Variants in PRKCI observed in about 807,000 individuals in gnomAD.
The protein encoded by PRKCI is protein kinase C iota, also known as protein kinase C iota type.
Under a neutral mutation model 84.0 loss-of-function variants are expected in PRKCI, and 43 were observed. The observed-to-expected ratio is 0.51, with a 90% confidence interval of 0.40 to 0.66. The LOEUF is 0.66. Among genes scored for constraint, PRKCI ranks in the 30% least tolerant of loss-of-function variants. PRKCI has a pLI of 0.00. For synonymous variants in PRKCI, 216 were observed against 234.4 expected, an observed-to-expected ratio of 0.92 and a Z score of 0.72; for missense variants, 459 against 745.6, an observed-to-expected ratio of 0.62 and a Z score of 4.48.
intron 13 of PRKCI, among the ~76,000 whole-genome samples, chr3:170,293,100 A>C (rs1734601762): frequency 6.6e-6 from 1 of 152,022 alleles, no homozygotes; most frequent in African/African-American, 2.4e-5. Context: ...TTATATCCTC[A>C]ACACACAATA....
At chr3:170,267,763 G>A (rs1733900419) in intron 4 of PRKCI, 152 bp from the exon 5 acceptor site, 1 of 469,914 alleles carries the variant, frequency 2.1e-6, no homozygotes, top group East Asian at 3.6e-5. Flanking sequence ...TTGGTCCCTT[G>A]ATGAATCTAT....
At position 170,303,912 on chromosome 3, in the gene PRKCI, G is replaced by C. The variant is rs748768971; in HGVS notation, c.*785G>C. ...CTCGGGAGGCTGAAACAGGAGAATC[G>C]CTTGAACCCAGGAGATGGAGTTGGC... On this transcript the variant is annotated 3_prime_UTR_variant, in exon 18 of 18. Coordinates refer to ENST00000295797, the MANE Select transcript of PRKCI (RefSeq NM_002740.6). 1 of 169,218 alleles carries C rather than the reference G, an allele frequency of 5.9e-6. No individual in the cohort carries two copies. Among genetic ancestry groups the C allele is most frequent in the African/African-American group, 2.4e-5 (1 of 41,952 alleles). 10.5% of individuals were successfully genotyped at this position (169,218 alleles called of 1,614,324 possible). A position where few individuals can be genotyped will look rare whatever the true frequency, so the allele number is the denominator to read the frequency against.
intron 3 of PRKCI, 75 bp from the exon 4 acceptor site, chr3:170,263,304 A>G (rs1221969295): frequency 1.3e-5 from 17 of 1,315,036 alleles, no homozygotes; most frequent in East Asian, 2.3e-5. Flanking sequence ...TTTCTTTTAC[A>G]TTTGAATTTT....
chr3:170,231,754 T>TG (rs1732800030), intron 1 of PRKCI, among the ~76,000 whole-genome samples: 1 of 152,196 alleles, frequency 6.6e-6, no homozygotes, highest in Non-Finnish European at 1.5e-5. Flanking sequence ...TGTGAGCCAC[T>TG]GCGCCCAGCC....
chr3:170,283,675 TTAA>T (rs35225317), intron 11 of PRKCI, among the ~76,000 whole-genome samples: 25,298 of 152,090 alleles, frequency 0.17, 2,139 homozygotes, highest in Admixed American at 0.18. Flanking sequence ...TTTTACTATA[TTAA>T]TGTGCCAGTT....
chr3:170,296,417 A>G (rs1734686506), intron 15 of PRKCI, among the ~76,000 whole-genome samples: 1 of 152,176 alleles, frequency 6.6e-6, no homozygotes, highest in South Asian at 2.1e-4. Context: ...CATGTCAAAA[A>G]TGCTATAATT....
intron 16 of PRKCI, 86 bp downstream of exon 16, chr3:170,297,479 G>A: frequency 8.9e-7 from 1 of 1,124,602 alleles, no homozygotes; most frequent in Non-Finnish European, 1.3e-6. Flanking sequence ...TTTTTAGACA[G>A]AGTCTTGCTC....
chr3:170,230,698 G>C (rs1180604854), intron 1 of PRKCI, among the ~76,000 whole-genome samples: 6 of 152,002 alleles, frequency 3.9e-5, no homozygotes, highest in African/African-American at 1.5e-4. Context: ...TCATTTATAG[G>C]GTACTGACAC....
rs763592174 is a variant in PRKCI at position 170,284,618 on chromosome 3, T to C, written c.1203+22T>C. On this transcript the variant is annotated intron_variant, in intron 12 of 17. Transcript: ENST00000295797. ...TAAGGTGAGGAAAATTTTCTAGTTA[T>C]TTTAAAAGGTCTTCAGCAGCTAGTA... The C allele has an allele frequency of 1.9e-6, 3 of 1,603,152 alleles. No homozygotes were observed. In the African/African-American group the frequency reaches 4.0e-5, roughly 22 times the overall value.
intron 2 of PRKCI, chr3:170,244,712 A>C (rs1329932690): frequency 1.3e-5 from 2 of 152,100 alleles, no homozygotes; most frequent in African/African-American, 4.8e-5. Context: ...ACACGGGGGA[A>C]CCACAGAGAT....
intron 2 of PRKCI, among the ~76,000 whole-genome samples, chr3:170,254,580 G>A (rs1264201837): frequency 1.2e-5 from 1 of 86,778 alleles, no homozygotes; most frequent in Non-Finnish European, 2.1e-5. Flanking sequence ...ATTGAAGGCT[G>A]TCTTTTCCCC....
At chr3:170,275,131 C>CAGG in intron 7 of PRKCI, 98 bp from the exon 8 acceptor site, 1 of 1,340,900 alleles carries the variant, frequency 7.5e-7, no homozygotes, top group Non-Finnish European at 9.7e-7. Context: ...AAATAAAAAT[C>CAGG]AGGAGACAAT....
intron 2 of PRKCI, among the ~76,000 whole-genome samples, chr3:170,238,166 C>T (rs1733028327): frequency 6.6e-6 from 1 of 152,070 alleles, no homozygotes; most frequent in Non-Finnish European, 1.5e-5. Flanking sequence ...AGTTCGAGAC[C>T]AGCCTGACCA....
At chr3:170,282,934 A>T (rs971245916) in intron 11 of PRKCI, among the ~76,000 whole-genome samples, 2 of 151,232 alleles carry the variant, frequency 1.3e-5, no homozygotes, top group African/African-American at 4.9e-5. Context: ...GTGAAACCCC[A>T]TCTCTACTAA....
chr3:170,244,931 T>C (rs1283954847), intron 2 of PRKCI: 1 of 152,044 alleles, frequency 6.6e-6, no homozygotes, highest in Non-Finnish European at 1.5e-5. Context: ...AGAAGAGGAA[T>C]TCTGTTGTGA....
At chr3:170,290,028 A>G (rs1055716265) in intron 12 of PRKCI, among the ~76,000 whole-genome samples, 1 of 151,640 alleles carries the variant, frequency 6.6e-6, no homozygotes, top group Non-Finnish European at 1.5e-5. Context: ...AGCCAAGATC[A>G]CGCCACTGAA....
intron 12 of PRKCI, among the ~76,000 whole-genome samples, chr3:170,286,176 C>T (rs558527411): frequency 6.6e-6 from 1 of 152,212 alleles, no homozygotes; most frequent in African/African-American, 2.4e-5. Context: ...ATCCACCCGC[C>T]TCAGCCTCCC....
At chr3:170,302,988 G>A in intron 17 of PRKCI, 52 bp from the exon 18 acceptor site, 1 of 1,289,538 alleles carries the variant, frequency 7.8e-7, no homozygotes, top group Non-Finnish European at 1.1e-6. Flanking sequence ...ACCATTTAAA[G>A]GTTGAAGAAA....
intron 2 of PRKCI, among the ~76,000 whole-genome samples, chr3:170,252,422 G>A (rs1733474923): frequency 6.6e-6 from 1 of 152,224 alleles, no homozygotes; most frequent in East Asian, 1.9e-4. Flanking sequence ...GGCATACAGT[G>A]CATAATCATG....
Sources: allele counts gnomAD v4.1 joint callset (sites outside exome capture counted in the v4.1 genomes callset), GRCh38; gene constraint gnomAD v4.1.1; transcripts MANE v1.5; gene names NCBI Gene and HGNC (gene_info 2026-07-23, HGNC 2026-07-21).